TAB2: variants seen among roughly 807,000 people sequenced by gnomAD.
TAB2 encodes the protein TGF-beta-activated kinase 1 and MAP3K7-binding protein 2.
Under a neutral mutation model 65.0 loss-of-function variants are expected in TAB2, and 3 were observed. The observed-to-expected ratio is 0.05, with a 90% CI of 0.02 to 0.12. The LOEUF is 0.12. Ranked by LOEUF, TAB2 falls within the 10% of genes least tolerant of loss-of-function variation. The pLI is 1.00. For missense variants in TAB2, 623 were observed against 840.3 expected (o/e 0.74, Z 3.20); for synonymous variants, 298 against 285.1 (o/e 1.05, Z -0.46).
chr6:149,295,477 C>T (rs1272533107), intron 1 of TAB2, among the ~76,000 whole-genome samples: 1 of 152,192 alleles, frequency 6.6e-6, no homozygotes, highest in African/African-American at 2.4e-5. Context: ...TTTCCCATGT[C>T]TCTGTCCCCT....
chr6:149,300,023 A>T (rs1294839980), intron 1 of TAB2, among the ~76,000 whole-genome samples: 1 of 152,062 alleles, frequency 6.6e-6, no homozygotes, highest in East Asian at 1.9e-4. Context: ...ATTTTTTTTT[A>T]AATGTTGCTA....
At chr6:149,249,688 A>G (rs1366888648) in intron 1 of TAB2, among the ~76,000 whole-genome samples, 2 of 151,010 alleles carry the variant, frequency 1.3e-5, no homozygotes, top group African/African-American at 2.4e-5. Context: ...CCCTGTCTCT[A>G]TCTTTCACGG....
intron 1 of TAB2, among the ~76,000 whole-genome samples, chr6:149,344,340 T>A (rs929741001): frequency 3.3e-5 from 5 of 152,164 alleles, no homozygotes; most frequent in African/African-American, 1.2e-4. Flanking sequence ...TTAGTGAGCT[T>A]ACAGACAAGT....
intron 1 of TAB2, among the ~76,000 whole-genome samples, chr6:149,255,940 A>C (rs1016126397): frequency 6.6e-6 from 1 of 152,218 alleles, no homozygotes; most frequent in Non-Finnish European, 1.5e-5. Context: ...GAGGGCAGGA[A>C]AAAGGAGAAA....
intron 3 of TAB2, among the ~76,000 whole-genome samples, chr6:149,395,997 G>A (rs1411419732): frequency 1.3e-5 from 2 of 151,680 alleles, no homozygotes; most frequent in East Asian, 3.9e-4. Context: ...GTCTCCTTCT[G>A]GAATTCTTTT....
At chr6:149,349,191 C>T (rs997966652) in intron 1 of TAB2, among the ~76,000 whole-genome samples, 3 of 151,672 alleles carry the variant, frequency 2.0e-5, no homozygotes, top group Admixed American at 2.0e-4. Context: ...GAGACTGAGG[C>T]GGGTTGATCA....
rs571558617 is a variant in TAB2, at chr6:149,240,984, C to G, written c.-121+22208C>G. Among the ~76,000 whole-genome samples, 58 of 152,066 alleles carry G rather than the reference C, an allele frequency of 3.8e-4. 1 individual carries two copies. The highest frequency in any genetic ancestry group is 1.3e-3 in the African/African-American group (55 of 41,480). ...AAGTCGTAAGGGTGGGGCCCTAATC[C>G]AATAGTGATAATGCCCTCATATAAA... On this transcript the variant is annotated intron_variant, in intron 1 of 1. Coordinates refer to the TAB2 transcript ENST00000606202.
At chr6:149,342,688 C>G (rs1403041926) in intron 1 of TAB2, 2 of 152,176 alleles carry the variant, frequency 1.3e-5, no homozygotes, top group Non-Finnish European at 2.9e-5. Flanking sequence ...TTTCAAGGCT[C>G]CAGACCCAGT....
chr6:149,235,520 A>G (rs1777479302), intron 1 of TAB2, among the ~76,000 whole-genome samples: 2 of 152,204 alleles, frequency 1.3e-5, no homozygotes, highest in Non-Finnish European at 1.5e-5. Flanking sequence ...GGTCTTGAGC[A>G]CCAAAAAATC....
At chr6:149,318,091 G>C (rs1248567770) in intron 1 of TAB2, 76 bp downstream of exon 1, 1 of 155,612 alleles carries the variant, frequency 6.4e-6, no homozygotes, top group Admixed American at 6.5e-5. Flanking sequence ...ACCCCCCTCC[G>C]TCTGGAAGGG....
At chr6:149,329,091 CAG>C (rs1779706997) in intron 1 of TAB2, among the ~76,000 whole-genome samples, 1 of 152,100 alleles carries the variant, frequency 6.6e-6, no homozygotes, top group Admixed American at 6.5e-5. Flanking sequence ...AGAAAAAAGA[CAG>C]AGCATCGAGA....
intron 1 of TAB2, among the ~76,000 whole-genome samples, chr6:149,339,725 A>G (rs928204674): frequency 4.6e-5 from 7 of 150,756 alleles, no homozygotes; most frequent in Admixed American, 3.3e-4. Flanking sequence ...CAGCCTCCCT[A>G]GTAGCTGGGA....
chr6:149,352,728 G>A lies in TAB2; in HGVS notation c.-89-17181G>A, dbSNP rs113693124. Among the ~76,000 whole-genome samples the A allele has an allele frequency of 5.0e-3, 766 of 152,304 alleles. 6 individuals carry two copies. Among genetic ancestry groups the A allele is most frequent in the African/African-American group, 0.018 (746 of 41,574 alleles). Reference sequence around the variant, plus strand: ...TTTACTTGAAGAAACATTCAGATAAGCAGTTGTCTTGAGAGGGCTCATCAC... The same window carrying A: ...TTTACTTGAAGAAACATTCAGATAAACAGTTGTCTTGAGAGGGCTCATCAC... On this transcript the variant is annotated intron_variant, in intron 1 of 6. Coordinates refer to ENST00000637181, the MANE Select transcript of TAB2 (RefSeq NM_001292034.3).
chr6:149,288,034 C>A (rs1778709756), intron 1 of TAB2, among the ~76,000 whole-genome samples: 1 of 152,150 alleles, frequency 6.6e-6, no homozygotes, highest in Admixed American at 6.6e-5. Context: ...TTTTTAAACA[C>A]ATAAGCAATA....
intron 1 of TAB2, among the ~76,000 whole-genome samples, chr6:149,327,465 C>T (rs751338725): frequency 2.0e-5 from 3 of 152,184 alleles, no homozygotes; most frequent in Non-Finnish European, 2.9e-5. Context: ...CTGAGCCTGG[C>T]AACTTGGTTA....
At chr6:149,395,116 C>T (rs1053636107) in intron 3 of TAB2, among the ~76,000 whole-genome samples, 12 of 152,104 alleles carry the variant, frequency 7.9e-5, no homozygotes, top group South Asian at 2.1e-4. Flanking sequence ...ACGTGAGCTC[C>T]GCAAGGGCAA....
At chr6:149,338,551 G>T (rs1450764574) in intron 1 of TAB2, among the ~76,000 whole-genome samples, 1 of 152,138 alleles carries the variant, frequency 6.6e-6, no homozygotes, top group African/African-American at 2.4e-5. Context: ...AACTAGTATT[G>T]GAAGAGTTTA....
At chr6:149,399,278 C>A in intron 6 of TAB2, 94 bp downstream of exon 6, 1 of 899,582 alleles carries the variant, frequency 1.1e-6, no homozygotes, top group Non-Finnish European at 1.8e-6. Flanking sequence ...TCTAGAATTG[C>A]TTCAAACTTT....
At chr6:149,250,429 C>T (rs1037621992) in intron 1 of TAB2, among the ~76,000 whole-genome samples, 6 of 152,238 alleles carry the variant, frequency 3.9e-5, no homozygotes, top group Admixed American at 3.3e-4. Context: ...CCTCAACCTC[C>T]CGAGTACCTG....
Sources: gnomAD v4.1 joint callset for allele counts (sites outside exome capture counted in the v4.1 genomes callset) on GRCh38, gnomAD v4.1.1 for gene constraint, MANE v1.5 for transcripts, NCBI Gene and HGNC (gene_info 2026-07-23, HGNC 2026-07-21) for gene names.